The following SGMS2 variants were observed in gnomAD, a reference collection of about 807,000 sequenced individuals.
SGMS2 encodes phosphatidylcholine:ceramide cholinephosphotransferase 2.
Under a neutral mutation model 43.8 loss-of-function variants are expected in SGMS2, and 21 were observed. The observed-to-expected ratio is 0.48, with a 90% CI of 0.34 to 0.69. The LOEUF (loss-of-function observed/expected upper bound fraction) is 0.69, where lower values mean the gene tolerates loss of function less well. Among genes scored for constraint, SGMS2 ranks in the 30% least tolerant of loss-of-function variants. The pLI is 0.01. For synonymous variants in SGMS2, 167 were observed against 160.6 expected, an observed-to-expected ratio of 1.04 and a Z score of -0.30; for missense variants, 384 against 443.2, an observed-to-expected ratio of 0.87 and a Z score of 1.20.
At chr4:107,826,400 T>C (rs2125979193) in intron 1 of SGMS2, among the ~76,000 whole-genome samples, 1 of 152,350 alleles carries the variant, frequency 6.6e-6, no homozygotes, top group African/African-American at 2.4e-5. Flanking sequence ...TAAACATTTT[T>C]AGTACGGATA....
At chr4:107,894,143 C>T (rs1730467903) in intron 2 of SGMS2, 1 of 152,134 alleles carries the variant, frequency 6.6e-6, no homozygotes, top group Non-Finnish European at 1.5e-5. Flanking sequence ...GCTTAGCTGT[C>T]ATCACTTTGA....
chr4:107,903,532 T>C, intron 5 of SGMS2, 146 bp downstream of exon 5: 1 of 636,346 alleles, frequency 1.6e-6, no homozygotes, highest in Non-Finnish European at 2.7e-6. Flanking sequence ...TGAATGTGAA[T>C]GTGTGTGTGT....
intron 2 of SGMS2, chr4:107,873,379 A>G (rs989869836): frequency 1.3e-5 from 2 of 152,126 alleles, no homozygotes; most frequent in Non-Finnish European, 2.9e-5. Context: ...AGAAGTAGAT[A>G]TCACAGCAGA....
intron 1 of SGMS2, among the ~76,000 whole-genome samples, chr4:107,848,884 A>C (rs1454697823): frequency 6.6e-6 from 1 of 152,100 alleles, no homozygotes; most frequent in East Asian, 1.9e-4. Flanking sequence ...TTAGAGTAGA[A>C]GTTTTTAATT....
chr4:107,910,633 G>C lies in SGMS2; in HGVS notation c.*80G>C. ...AGGTATAGTTTTGTTTTTTATTTTA[G>C]GAGAACTGACTGGTAAATGAAGAAA... On this transcript the variant is annotated 3_prime_UTR_variant, in exon 7 of 7. Transcript: ENST00000690982. 1 of 1,363,072 alleles carries C rather than the reference G, an allele frequency of 7.3e-7. No homozygotes were observed. Among genetic ancestry groups the C allele is most frequent in the South Asian group, 1.4e-5 (1 of 71,766 alleles). The allele number at this position is 1,363,072 out of a possible 1,614,324, so 84.4% of individuals were successfully genotyped here.
At chr4:107,895,258 GT>G in intron 2 of SGMS2, 51 bp from the exon 3 acceptor site, 1 of 329,792 alleles carries the variant, frequency 3.0e-6, no homozygotes, top group Non-Finnish European at 5.5e-6. Flanking sequence ...GTTTTGGATG[GT>G]TGACAGTTGG....
chr4:107,839,600 G>A (rs1336393318), intron 1 of SGMS2, among the ~76,000 whole-genome samples: 5 of 152,124 alleles, frequency 3.3e-5, no homozygotes, highest in African/African-American at 9.7e-5. Context: ...ACTGGAGACC[G>A]TGGTATATAA....
intron 5 of SGMS2, 21 bp downstream of exon 5, chr4:107,903,407 A>G (rs1462592301): frequency 9.3e-6 from 15 of 1,612,470 alleles, no homozygotes; most frequent in African/African-American, 1.3e-5. Context: ...GCCCATTCCC[A>G]CTGAACTGAT....
intron 1 of SGMS2, among the ~76,000 whole-genome samples, chr4:107,835,709 A>C (rs1578501044): frequency 1.3e-5 from 2 of 152,234 alleles, no homozygotes; most frequent in Admixed American, 1.3e-4. Context: ...GTAGCCAAGT[A>C]AGAAAGCTTC....
chr4:107,910,880 T>A lies in SGMS2; in HGVS notation c.*327T>A. 1 of 218,614 alleles carries A rather than the reference T, an allele frequency of 4.6e-6. No individual in the cohort carries two copies. The highest frequency in any genetic ancestry group is 9.1e-6 in the Non-Finnish European group (1 of 110,218). 13.5% of individuals were successfully genotyped at this position (218,614 alleles called of 1,614,324 possible). ...CCACCAAAACCCTCTACTTCAGAAT[T>A]TTTTCAGGATATTTTTCAGCCCAAG... is the stretch of plus-strand genomic sequence containing the variant. On this transcript the variant is annotated 3_prime_UTR_variant, in exon 7 of 7. Transcript: ENST00000690982.
chr4:107,900,046 A>G (rs1730990271), intron 4 of SGMS2, among the ~76,000 whole-genome samples: 1 of 151,994 alleles, frequency 6.6e-6, no homozygotes, highest in Admixed American at 6.6e-5. Flanking sequence ...CTTATATTCT[A>G]TTGAGGGATG....
upstream of SGMS2, chr4:107,824,875 G>C (rs904981069): frequency 6.6e-5 from 10 of 152,518 alleles, no homozygotes; most frequent in African/African-American, 2.2e-4. Context: ...GGCGCAGGGC[G>C]CAGGGAGCGG....
At chr4:107,863,819 CAT>C (rs1248747906) in intron 2 of SGMS2, 1 of 152,162 alleles carries the variant, frequency 6.6e-6, no homozygotes, top group Non-Finnish European at 1.5e-5. Flanking sequence ...GGCTCTGTGA[CAT>C]ATATGGAAAC....
chr4:107,884,117 C>T (rs866634340), intron 2 of SGMS2, among the ~76,000 whole-genome samples: 1 of 151,900 alleles, frequency 6.6e-6, no homozygotes, highest in African/African-American at 2.4e-5. Flanking sequence ...CCCATTTTTC[C>T]TAATTTGAAG....
At position 107,910,450 on chromosome 4, in the gene SGMS2, G is replaced by T; in HGVS notation, c.995G>T (p.Cys332Phe). 1.2e-6 allele frequency: 2 copies of T among 1,613,980 alleles called. No homozygotes were observed. Among genetic ancestry groups the T allele is most frequent in the South Asian group, 1.1e-5 (1 of 91,068 alleles). ...EKNVQGSIPC[C>F]FSWPLSWPPG... is the part of the protein sequence containing the mutation. ...AATGTACAAGGCTCAATTCCTTGCT[G>T]CTTCTCCTGGCCGCTGTCTTGGCCT... Residue 332 changes from cysteine to phenylalanine, a missense_variant, in exon 7 of 7, where the codon TGC (cysteine) becomes TTC (phenylalanine). Coordinates refer to ENST00000690982, the MANE Select transcript of SGMS2 (RefSeq NM_001375905.1).
rs1732334976 is a variant in SGMS2, at chr4:107,914,546, C to G, written c.*3993C>G. The G allele has an allele frequency of 6.6e-6, 1 of 152,050 alleles. No homozygotes were observed. The highest frequency in any genetic ancestry group is 6.6e-5 in the Admixed American group (1 of 15,246). 9.4% of individuals were successfully genotyped at this position (152,050 alleles called of 1,614,324 possible). On this transcript the variant is annotated 3_prime_UTR_variant, in exon 7 of 7. Coordinates refer to ENST00000690982, the MANE Select transcript of SGMS2 (RefSeq NM_001375905.1). Reference sequence around the variant, plus strand: ...CTTTTGGAAATTTACTGTACTGTTTCAATGTGTTAAGTGCCTTGTTGTAAA... The same window carrying G: ...CTTTTGGAAATTTACTGTACTGTTTGAATGTGTTAAGTGCCTTGTTGTAAA...
intron 1 of SGMS2, among the ~76,000 whole-genome samples, chr4:107,829,823 C>A (rs1353936980): frequency 2.0e-5 from 3 of 147,570 alleles, no homozygotes; most frequent in Non-Finnish European, 3.0e-5. Context: ...GATCCTCCCA[C>A]CTCAGCCTTC....
At chr4:107,877,998 C>T (rs1205057447) in intron 2 of SGMS2, among the ~76,000 whole-genome samples, 1 of 149,618 alleles carries the variant, frequency 6.7e-6, no homozygotes, top group Non-Finnish European at 1.5e-5. Flanking sequence ...TCACTGCAAC[C>T]TCCACCTCCC....
chr4:107,866,498 G>A (rs956145599), intron 2 of SGMS2, among the ~76,000 whole-genome samples: 3 of 151,978 alleles, frequency 2.0e-5, no homozygotes, highest in Non-Finnish European at 2.9e-5. Flanking sequence ...CCTGAGAGGC[G>A]GAGGTTGCAG....
Sources: gnomAD v4.1 joint callset for allele counts (sites outside exome capture counted in the v4.1 genomes callset) on GRCh38, gnomAD v4.1.1 for gene constraint, MANE v1.5 for transcripts, NCBI Gene and HGNC (gene_info 2026-07-23, HGNC 2026-07-21) for gene names.